TMEM74: variants seen among roughly 807,000 people sequenced by gnomAD.
TMEM74 encodes transmembrane protein 74.
Under a neutral mutation model 18.1 loss-of-function variants are expected in TMEM74, and 13 were observed. The ratio of observed to expected loss-of-function variants is 0.72; its 90% CI spans 0.47 to 1.14. The LOEUF is 1.14. Among genes scored for constraint, TMEM74 ranks in the 50% most tolerant of loss-of-function variants. TMEM74 has a pLI of 0.00. For synonymous variants in TMEM74, 159 were observed against 146.6 expected (o/e 1.08, Z -0.61); for missense variants, 372 against 375.9 (o/e 0.99, Z 0.09).
intron 1 of TMEM74, among the ~76,000 whole-genome samples, chr8:108,719,124 A>T (rs145836010): frequency 6.6e-6 from 1 of 152,022 alleles, no homozygotes. Flanking sequence ...TTTAGAAGAC[A>T]TTTACTTTGA....
In TMEM74 at chr8:108,670,687, A is replaced by G. The variant is rs542333398; in HGVS notation, n.120-15250T>C. On this transcript the variant is annotated intron_variant and non_coding_transcript_variant, in intron 1 of 3. Transcript: ENST00000518838. ...CGACATCTTTGTGGAAAGTCAGGAT[A>G]CAGAAAAACATGAAAGATGGATGAA... Among the ~76,000 whole-genome samples the G allele has an allele frequency of 3.9e-5, 6 of 152,322 alleles. No individual in the cohort carries two copies. The South Asian group carries it at 1.0e-3, about 26-fold the overall frequency.
At chr8:108,711,960 T>G (rs1813479924) in intron 1 of TMEM74, among the ~76,000 whole-genome samples, 1 of 151,930 alleles carries the variant, frequency 6.6e-6, no homozygotes, top group Admixed American at 6.6e-5. Context: ...TAGAGATATA[T>G]CTGGAGGCAG....
chr8:108,784,706 T>C lies in TMEM74; in HGVS notation c.393A>G (p.Lys131=). The change falls in exon 2 of 2, where the codon AAA becomes AAG. Residue 131 remains lysine (K), a synonymous_variant. Coordinates refer to ENST00000297459, the MANE Select transcript of TMEM74 (RefSeq NM_153015.3). ...EQRNRSSPSA[K]GHNHPGELGW... ...CAAGCTCCCCAGGGTGATTATGCCC[T>C]TTTGCTGATGGCGAGCTCCGGTTCC... The C allele has an allele frequency of 6.2e-7, 1 of 1,614,196 alleles. No individual in the cohort carries two copies. The highest frequency in any genetic ancestry group is 8.5e-7 in the Non-Finnish European group (1 of 1,180,016).
chr8:108,726,117 C>T (rs140081792), intron 1 of TMEM74, among the ~76,000 whole-genome samples: 2 of 152,178 alleles, frequency 1.3e-5, no homozygotes, highest in East Asian at 1.9e-4. Flanking sequence ...TAGTGAGACC[C>T]GGGGTAAAAT....
rs141670086 is a variant in TMEM74 at position 108,636,106 on chromosome 8, A to G, written n.264+19187T>C. 3.8e-4 allele frequency among the ~76,000 whole-genome samples: 58 copies of G among 152,196 alleles called. 1 individual carries two copies. In the East Asian group the frequency reaches 0.011, roughly 29 times the overall value. On this transcript the variant is annotated intron_variant and non_coding_transcript_variant, in intron 2 of 3. Transcript: ENST00000518838. ...AAAGTAGCTCCTCCCCACTCTGTAG[A>G]GTTGCAAGGTCTCCTTGGGAAAGGC...
intron 1 of TMEM74, among the ~76,000 whole-genome samples, chr8:108,739,383 G>A (rs1050846340): frequency 7.2e-5 from 11 of 152,188 alleles, no homozygotes; most frequent in Admixed American, 7.2e-4. Flanking sequence ...AAACTGTCGT[G>A]TGCTGTATTT....
At chr8:108,615,842 T>C (rs1244549956) in intron 2 of TMEM74, among the ~76,000 whole-genome samples, 1 of 144,728 alleles carries the variant, frequency 6.9e-6, no homozygotes, top group Non-Finnish European at 1.5e-5. Flanking sequence ...TTTTTTTTTT[T>C]GGCGTGATCT....
At chr8:108,630,193 C>T (rs1430870638) in intron 2 of TMEM74, among the ~76,000 whole-genome samples, 1 of 151,996 alleles carries the variant, frequency 6.6e-6, no homozygotes, top group Non-Finnish European at 1.5e-5. Flanking sequence ...ATCCTAGTCT[C>T]TGAGATAACA....
chr8:108,747,811 G>A (rs1813865248), intron 1 of TMEM74, among the ~76,000 whole-genome samples: 1 of 150,306 alleles, frequency 6.7e-6, no homozygotes, highest in African/African-American at 2.5e-5. Flanking sequence ...AGAACATGCA[G>A]TATTTGGTTT....
At chr8:108,643,406 C>A (rs1405619781) in intron 2 of TMEM74, among the ~76,000 whole-genome samples, 1 of 152,144 alleles carries the variant, frequency 6.6e-6, no homozygotes, top group South Asian at 2.1e-4. Context: ...TCACTTATAA[C>A]TTGAGGCCAG....
chr8:108,700,584 T>A (rs1391078237), intron 1 of TMEM74, among the ~76,000 whole-genome samples: 4 of 152,102 alleles, frequency 2.6e-5, no homozygotes, highest in Non-Finnish European at 5.9e-5. Context: ...CCAGTGTTGA[T>A]CAACACTGCT....
At chr8:108,652,859 C>T in intron 2 of TMEM74, 1 of 523,286 alleles carries the variant, frequency 1.9e-6, no homozygotes, top group South Asian at 1.6e-5. Flanking sequence ...CAGATGAAAT[C>T]TAATAGGCCA....
rs1199122765 is a variant in TMEM74 at position 108,730,634 on chromosome 8, C to CTTTTTTTTTTTTTTTTTT, written n.119+56841_119+56842insAAAAAAAAAAAAAAAAAA. On this transcript the variant is annotated intron_variant and non_coding_transcript_variant, in intron 1 of 3. Transcript: ENST00000518838. ...TTAGCTTTAAATGTATGCAGACTTC[C>CTTTTTTTTTTTTTTTTTT]TTTTTTTTTTTTTTTTTGTGACGGA... Among the ~76,000 whole-genome samples, 9 of 132,182 alleles carry CTTTTTTTTTTTTTTTTTT rather than the reference C, an allele frequency of 6.8e-5. 1 individual carries two copies. Among genetic ancestry groups the CTTTTTTTTTTTTTTTTTT allele is most frequent in the African/African-American group, 2.8e-4 (9 of 32,674 alleles). 86.7% of individuals were successfully genotyped at this position (132,182 alleles called of 152,430 possible).
At position 108,766,931 on chromosome 8, in the gene TMEM74, GGA is replaced by G. The variant is rs1333895250; in HGVS notation, n.119+20543_119+20544del. On this transcript the variant is annotated intron_variant and non_coding_transcript_variant, in intron 1 of 3. Transcript: ENST00000518838. ...CTAGCACAGGAGAAAGATGAAGGCC[GGA>G]ATACTCAGCAAGTCTGCTCTTCCAT... is the stretch of plus-strand genomic sequence containing the variant. Among the ~76,000 whole-genome samples the G allele has an allele frequency of 2.2e-4, 33 of 152,226 alleles. 1 individual carries two copies. Among genetic ancestry groups the G allele is most frequent in the South Asian group, 1.0e-3 (5 of 4,826 alleles).
intron 1 of TMEM74, among the ~76,000 whole-genome samples, chr8:108,700,899 A>G (rs1813329189): frequency 6.6e-6 from 1 of 151,200 alleles, no homozygotes; most frequent in African/African-American, 2.4e-5. Flanking sequence ...AGTGATACAG[A>G]GCTTTTTGAG....
chr8:108,683,961 C>A (rs1346524612), intron 1 of TMEM74, among the ~76,000 whole-genome samples: 2 of 152,010 alleles, frequency 1.3e-5, no homozygotes, highest in Non-Finnish European at 2.9e-5. Flanking sequence ...AATAGTATTC[C>A]ATTGTGTATA....
chr8:108,786,402 A>G (rs956984066), intron 1 of TMEM74, among the ~76,000 whole-genome samples: 3 of 152,194 alleles, frequency 2.0e-5, no homozygotes, highest in African/African-American at 7.2e-5. Flanking sequence ...GATTTAACCC[A>G]ACGGCTTGAG....
intron 1 of TMEM74, among the ~76,000 whole-genome samples, chr8:108,746,632 C>T (rs1431737178): frequency 6.6e-6 from 1 of 152,044 alleles, no homozygotes; most frequent in Non-Finnish European, 1.5e-5. Flanking sequence ...TATAAGATGA[C>T]TGGTGGCTAG....
intron 1 of TMEM74, among the ~76,000 whole-genome samples, chr8:108,761,667 A>G (rs75087270): frequency 0.048 from 7,355 of 152,162 alleles, 256 homozygotes; most frequent in Non-Finnish European, 0.068. Context: ...CTATTCTCCT[A>G]TCTGTCCAAA....
Sources: allele counts gnomAD v4.1 joint callset (sites outside exome capture counted in the v4.1 genomes callset), GRCh38; gene constraint gnomAD v4.1.1; transcripts MANE v1.5; gene names NCBI Gene and HGNC (gene_info 2026-07-23, HGNC 2026-07-21).